The following SLC2A10 variants were observed in gnomAD, a reference collection of about 807,000 sequenced individuals.
SLC2A10 encodes the protein solute carrier family 2 member 10, also known as solute carrier family 2, facilitated glucose transporter member 10.
In SLC2A10, 25 loss-of-function variants were observed where a neutral mutation model predicts 32.1. That is an observed-to-expected ratio of 0.78 (90% CI 0.57 to 1.09). The LOEUF (loss-of-function observed/expected upper bound fraction) is 1.09. Ranked by LOEUF, SLC2A10 falls within the 50% of genes least tolerant of loss-of-function variation. The pLI is 0.00. For missense variants in SLC2A10, 673 were observed against 686.5 expected (o/e 0.98, Z 0.22); for synonymous variants, 332 against 309.6 (o/e 1.07, Z -0.76).
At position 46,726,008 on chromosome 20, in the gene SLC2A10, C is replaced by T; in HGVS notation, c.972C>T (p.Asp324=). Residue 324 remains aspartate, a synonymous_variant, in exon 2 of 5, where the codon GAC becomes GAT. Transcript: ENST00000359271. ...IGLVSFAVPM[D]SGPSCLAVPN... is the part of the protein sequence containing the mutation. ...TCGTCAGCTTTGCCGTGCCCATGGA[C>T]TCAGGCCCAAGCTGTCTGGCTGTGC... The T allele has an allele frequency of 6.2e-7, 1 of 1,614,048 alleles. No homozygotes were observed. The highest frequency in any genetic ancestry group is 8.5e-7 in the Non-Finnish European group (1 of 1,180,044).
intron 3 of SLC2A10, among the ~76,000 whole-genome samples, chr20:46,728,342 A>T (rs1438362664): frequency 6.6e-6 from 1 of 152,032 alleles, no homozygotes; most frequent in Non-Finnish European, 1.5e-5. Flanking sequence ...TCCAAAACAT[A>T]ATTTGTCTTC....
Position 46,709,661 on chromosome 20 carries a change from C to A in SLC2A10, c.-76C>A. The A allele has an allele frequency of 1.3e-6, 2 of 1,507,766 alleles. No homozygotes were observed. The highest frequency in any genetic ancestry group is 8.9e-7 in the Non-Finnish European group (1 of 1,125,570). The allele number at this position is 1,507,766 out of a possible 1,614,324, so 93.4% of individuals were successfully genotyped here. Reference sequence around the variant, plus strand: ...GGCCGGAAAGTTTGTCCGGCGGCAGCGGCGTTGGGGACTCCGGCGGGGGAT... The same window carrying A: ...GGCCGGAAAGTTTGTCCGGCGGCAGAGGCGTTGGGGACTCCGGCGGGGGAT... On this transcript the variant is annotated 5_prime_UTR_variant, in exon 1 of 5. Transcript: ENST00000359271.
At position 46,736,176 on chromosome 20, in the gene SLC2A10, T is replaced by C. The variant is rs2088593872; in HGVS notation, c.*2342T>C. 6.6e-6 allele frequency: 1 copy of C among 151,874 alleles called. No individual in the cohort carries two copies. Among genetic ancestry groups the C allele is most frequent in the South Asian group, 2.1e-4 (1 of 4,800 alleles). 9.4% of individuals were successfully genotyped at this position (151,874 alleles called of 1,614,324 possible). A position where few individuals can be genotyped will look rare whatever the true frequency, so the allele number is the denominator to read the frequency against. On this transcript the variant is annotated 3_prime_UTR_variant, in exon 5 of 5. Transcript: ENST00000359271. The stretch of plus-strand genomic sequence containing the variant: ...AATAAAGAATATTTACAATAAAGAG[T>C]TTATTATTATTTGTAAGTTGTGTGC...
At chr20:46,709,387 G>C (rs560872289), upstream of SLC2A10, 7 of 387,480 alleles carry the variant, frequency 1.8e-5, no homozygotes, top group South Asian at 3.6e-4. Context: ...TCTTCTACCA[G>C]GGAGGATGGC....
intron 3 of SLC2A10, among the ~76,000 whole-genome samples, chr20:46,729,079 G>A (rs758954946): frequency 1.3e-5 from 2 of 152,300 alleles, no homozygotes; most frequent in Non-Finnish European, 2.9e-5. Flanking sequence ...CTCTAGATGT[G>A]GGTGAGGGGC....
chr20:46,725,020 C>A (rs1267175088), intron 1 of SLC2A10, 21 bp from the exon 2 acceptor site: 2 of 1,613,912 alleles, frequency 1.2e-6, no homozygotes, highest in African/African-American at 2.7e-5. Flanking sequence ...TAACTCTGTC[C>A]CTCTCACTTT....
At chr20:46,723,897 T>C (rs1348581480) in intron 1 of SLC2A10, among the ~76,000 whole-genome samples, 1 of 152,254 alleles carries the variant, frequency 6.6e-6, no homozygotes, top group Non-Finnish European at 1.5e-5. Flanking sequence ...GCTGTAACAA[T>C]TAAATGAGAA....
Position 46,725,503 on chromosome 20 carries a change from C to T in SLC2A10, c.467C>T (p.Ala156Val). The change falls in exon 2 of 5, where the codon GCA becomes GTA. Residue 156 changes from alanine (A) to valine (V), a missense_variant. By Grantham distance (64) the Ala-to-Val change is moderately conservative. Coordinates refer to ENST00000359271, the MANE Select transcript of SLC2A10 (RefSeq NM_030777.4). ...GILLSYALNY[A>V]LAGTPWGWRH... Reference sequence around the variant, plus strand: ...CTGCTCTCCTATGCCCTCAACTATGCACTGGCTGGTACCCCCTGGGGATGG... The same window carrying T: ...CTGCTCTCCTATGCCCTCAACTATGTACTGGCTGGTACCCCCTGGGGATGG... 1 of 1,614,188 alleles carries T rather than the reference C, an allele frequency of 6.2e-7. No homozygotes were observed. The highest frequency in any genetic ancestry group is 1.1e-5 in the South Asian group (1 of 91,090).
Position 46,709,667 on chromosome 20 carries a change from T to G in SLC2A10, c.-70T>G. ...AAAGTTTGTCCGGCGGCAGCGGCGT[T>G]GGGGACTCCGGCGGGGGATGCGCGC... On this transcript the variant is annotated 5_prime_UTR_variant, in exon 1 of 5. Transcript: ENST00000359271. 1 of 1,525,420 alleles carries G rather than the reference T, an allele frequency of 6.6e-7. No individual in the cohort carries two copies. Among genetic ancestry groups the G allele is most frequent in the Non-Finnish European group, 8.8e-7 (1 of 1,136,352 alleles). 94.5% of individuals were successfully genotyped at this position (1,525,420 alleles called of 1,614,324 possible).
At position 46,735,872 on chromosome 20, in the gene SLC2A10, G is replaced by A. The variant is rs1184121742; in HGVS notation, c.*2038G>A. 1 of 152,358 alleles carries A rather than the reference G, an allele frequency of 6.6e-6. No individual in the cohort carries two copies. The highest frequency in any genetic ancestry group is 2.1e-4 in the South Asian group (1 of 4,828). The allele number at this position is 152,358 out of a possible 1,614,324, so 9.4% of individuals were successfully genotyped here. A position where few individuals can be genotyped will look rare whatever the true frequency, so the allele number is the denominator to read the frequency against. On this transcript the variant is annotated 3_prime_UTR_variant, in exon 5 of 5. Coordinates refer to ENST00000359271, the MANE Select transcript of SLC2A10 (RefSeq NM_030777.4). ...GCTGACAGCTGCTCAAATCATTTAA[G>A]AAGGAGTTCTGACATTCATTTTCAT...
intron 1 of SLC2A10, among the ~76,000 whole-genome samples, chr20:46,724,706 C>A (rs575223367): frequency 2.9e-4 from 35 of 120,448 alleles, no homozygotes; most frequent in African/African-American, 1.2e-3. Flanking sequence ...ATAGATGGAT[C>A]AGTGAATGGT....
intron 1 of SLC2A10, among the ~76,000 whole-genome samples, chr20:46,713,737 G>A (rs1458214361): frequency 3.9e-5 from 6 of 152,148 alleles, no homozygotes; most frequent in Non-Finnish European, 8.8e-5. Flanking sequence ...GTCATGAGGT[G>A]AAATAGCCCT....
rs117587497 is a variant in SLC2A10, at chr20:46,729,453, G to A, written c.1512G>A (p.Ser504=). 1.3e-3 allele frequency: 2,127 copies of A among 1,613,958 alleles called. 5 individuals carry two copies. Among genetic ancestry groups the A allele is most frequent in the Middle Eastern group, 9.6e-3 (58 of 6,058 alleles). The change falls in exon 4 of 5, where the codon TCG becomes TCA. Residue 504 remains serine (S), a synonymous_variant. Coordinates refer to ENST00000359271, the MANE Select transcript of SLC2A10 (RefSeq NM_030777.4). ...TTGTTCCTGAAACAAAAGGCCAGTC[G>A]TTGGCAGAGATAGACCAGCAGTTCC... ...YLFVPETKGQ[S]LAEIDQQFQK...
intron 1 of SLC2A10, among the ~76,000 whole-genome samples, chr20:46,718,645 T>A (rs1377383448): frequency 6.6e-6 from 1 of 152,110 alleles, no homozygotes; most frequent in East Asian, 1.9e-4. Flanking sequence ...TTATTACAAT[T>A]TTTATTCTCA....
rs142697617 is a variant in SLC2A10, at chr20:46,725,867, C to A, written c.831C>A (p.Gly277=). ...CCGTGCTGGCCTCTGTGGGGCTTGGCGCAGTGAAGGTGGCAGCTACCCTGA... is the reference window on the plus strand; with the variant it reads ...CCGTGCTGGCCTCTGTGGGGCTTGGAGCAGTGAAGGTGGCAGCTACCCTGA... ...SSAVLASVGL[G]AVKVAATLTA... is the part of the protein sequence containing the mutation. The change falls in exon 2 of 5, where the codon GGC becomes GGA. Residue 277 remains glycine, a synonymous_variant. Transcript: ENST00000359271. The A allele has an allele frequency of 2.1e-5, 34 of 1,614,088 alleles. No individual in the cohort carries two copies. Among genetic ancestry groups the A allele is most frequent in the Non-Finnish European group, 2.9e-5 (34 of 1,180,038 alleles).
rs199659394 is a variant in SLC2A10, at chr20:46,725,709, C to A, written c.673C>A (p.Arg225Ser). 13 of 1,613,988 alleles carry A rather than the reference C, an allele frequency of 8.1e-6. No individual in the cohort carries two copies. The African/African-American group carries it at 9.3e-5, about 12-fold the overall frequency. ...CTCCTTTCTGGACCTCTTCAGGGCA[C>A]GCGATAACATGCGAGGCCGGACCAC... The part of the protein sequence containing the change: ...RYSFLDLFRA[R>S]DNMRGRTTVG... The change falls in exon 2 of 5, where the codon CGC becomes AGC. Residue 225 changes from arginine (R) to serine (S), a missense_variant. Coordinates refer to ENST00000359271, the MANE Select transcript of SLC2A10 (RefSeq NM_030777.4).
chr20:46,722,136 A>G (rs1305626986), intron 1 of SLC2A10, among the ~76,000 whole-genome samples: 1 of 152,234 alleles, frequency 6.6e-6, no homozygotes, highest in East Asian at 1.9e-4. Context: ...TCTCTTTAAA[A>G]AAAAAACCAG....
intron 4 of SLC2A10, among the ~76,000 whole-genome samples, chr20:46,733,077 G>A (rs1233142584): frequency 4.6e-5 from 7 of 152,156 alleles, no homozygotes; most frequent in Non-Finnish European, 1.0e-4. Flanking sequence ...CTGAGCAGAT[G>A]TATTAGTCCA....
intron 1 of SLC2A10, among the ~76,000 whole-genome samples, chr20:46,723,370 C>G (rs544970051): frequency 6.6e-6 from 1 of 152,134 alleles, no homozygotes; most frequent in Non-Finnish European, 1.5e-5. Flanking sequence ...ACTCCCTCTT[C>G]CATCTTAGTA....
Sources: allele counts gnomAD v4.1 joint callset (sites outside exome capture counted in the v4.1 genomes callset), GRCh38; gene constraint gnomAD v4.1.1; transcripts MANE v1.5; gene names NCBI Gene and HGNC (gene_info 2026-07-23, HGNC 2026-07-21).